Variants in CORIN observed in about 807,000 individuals in gnomAD.
The protein encoded by CORIN is atrial natriuretic peptide-converting enzyme.
CORIN carries 117 observed loss-of-function variants against 125.3 expected under a neutral mutation model. That is an observed-to-expected ratio of 0.93 (90% CI 0.80 to 1.09). The LOEUF (loss-of-function observed/expected upper bound fraction) is 1.09. CORIN is among the 50% of genes least tolerant of loss of function. CORIN has a pLI of 0.00. For synonymous variants in CORIN, 450 were observed against 466.4 expected, an observed-to-expected ratio of 0.96 and a Z score of 0.45; for missense variants, 1,253 against 1,306.7, an observed-to-expected ratio of 0.96 and a Z score of 0.63.
chr4:47,811,967 A>G (rs572704569), intron 1 of CORIN, among the ~76,000 whole-genome samples: 3 of 152,316 alleles, frequency 2.0e-5, no homozygotes, highest in African/African-American at 7.2e-5. Flanking sequence ...GTATCAGTGT[A>G]TATCTGCATA....
chr4:47,645,023 G>T, intron 14 of CORIN, 58 bp downstream of exon 14: 1 of 919,122 alleles, frequency 1.1e-6, no homozygotes, highest in South Asian at 1.5e-5. Flanking sequence ...TTCAAAATGA[G>T]ACTTAACTGG....
chr4:47,779,406 A>G (rs1399000378), intron 3 of CORIN, among the ~76,000 whole-genome samples: 23 of 149,966 alleles, frequency 1.5e-4, no homozygotes, highest in Admixed American at 1.4e-3. Flanking sequence ...GCCTGCTCTG[A>G]TCCTCTTAGC....
rs1402934085 is a variant in CORIN at position 47,819,269 on chromosome 4, TCTA to T, written c.64-12225_64-12223del. On this transcript the variant is annotated intron_variant, in intron 1 of 21. Transcript: ENST00000273857. The stretch of plus-strand genomic sequence containing the variant: ...ATGAAAGCATTCAGCAGACCCAAAA[TCTA>T]CTCATATTTCTCACTATGGGAGACT... 3.3e-5 allele frequency among the ~76,000 whole-genome samples: 5 copies of T among 152,206 alleles called. No individual in the cohort carries two copies. In the East Asian group the frequency reaches 7.7e-4, roughly 24 times the overall value.
chr4:47,790,624 G>C (rs1347247389), intron 2 of CORIN, among the ~76,000 whole-genome samples: 1 of 152,070 alleles, frequency 6.6e-6, no homozygotes, highest in Admixed American at 6.5e-5. Flanking sequence ...TAAACACTTC[G>C]AATGGCTTTT....
At chr4:47,752,913 T>A (rs1195899388) in intron 4 of CORIN, among the ~76,000 whole-genome samples, 1 of 152,206 alleles carries the variant, frequency 6.6e-6, no homozygotes, top group Non-Finnish European at 1.5e-5. Flanking sequence ...TTTTGATTTT[T>A]ACACATTATA....
chr4:47,747,174 C>A (rs1357518735), intron 4 of CORIN, among the ~76,000 whole-genome samples: 3 of 152,066 alleles, frequency 2.0e-5, no homozygotes, highest in Non-Finnish European at 4.4e-5. Flanking sequence ...ATATTATTCC[C>A]TTCCTACAAT....
At chr4:47,700,302 C>G (rs1726227353) in intron 5 of CORIN, among the ~76,000 whole-genome samples, 1 of 152,108 alleles carries the variant, frequency 6.6e-6, no homozygotes, top group South Asian at 2.1e-4. Context: ...AGGTATAGAA[C>G]ATGAAGACTC....
rs537489169 is a variant in CORIN at position 47,777,656 on chromosome 4, G to T, written c.409+9069C>A. Among the ~76,000 whole-genome samples, 3 of 152,214 alleles carry T rather than the reference G, an allele frequency of 2.0e-5. No individual in the cohort carries two copies. The East Asian group carries it at 5.8e-4, about 29-fold the overall frequency. The stretch of plus-strand genomic sequence containing the variant: ...AAAAACAGAAATTCAAACACCACAT[G>T]TGAATATTAGATTAATGATCTGGAG... On this transcript the variant is annotated intron_variant, in intron 3 of 21. Transcript: ENST00000273857.
intron 19 of CORIN, among the ~76,000 whole-genome samples, chr4:47,613,389 G>T (rs1461336557): frequency 6.6e-6 from 1 of 152,138 alleles, no homozygotes; most frequent in African/African-American, 2.4e-5. Flanking sequence ...GGAGGTGGAG[G>T]TTTCAGTGAG....
intron 9 of CORIN, among the ~76,000 whole-genome samples, chr4:47,675,567 T>G (rs1482485574): frequency 6.6e-6 from 1 of 152,130 alleles, no homozygotes; most frequent in Non-Finnish European, 1.5e-5. Flanking sequence ...TGGCAAATAT[T>G]AAGTGCATGC....
chr4:47,784,060 A>G (rs1663884254), intron 3 of CORIN, among the ~76,000 whole-genome samples: 1 of 152,166 alleles, frequency 6.6e-6, no homozygotes, highest in African/African-American at 2.4e-5. Context: ...TACTGGATAC[A>G]TCAACTAATT....
chr4:47,652,065 T>A (rs181311373), intron 13 of CORIN, among the ~76,000 whole-genome samples: 1 of 152,228 alleles, frequency 6.6e-6, no homozygotes, highest in South Asian at 2.1e-4. Context: ...ATCAAAGTCA[T>A]AGTTCAGTGA....
At chr4:47,766,527 T>C (rs1482278789) in intron 3 of CORIN, among the ~76,000 whole-genome samples, 1 of 152,124 alleles carries the variant, frequency 6.6e-6, no homozygotes, top group Admixed American at 6.5e-5. Context: ...TATTCCAGTT[T>C]GACATGTGCC....
intron 2 of CORIN, among the ~76,000 whole-genome samples, chr4:47,795,003 G>T (rs1214245018): frequency 1.3e-5 from 2 of 152,004 alleles, no homozygotes; most frequent in Non-Finnish European, 2.9e-5. Context: ...CATCCTTTTG[G>T]ATGTGGATAT....
intron 5 of CORIN, chr4:47,706,459 T>C: frequency 6.2e-7 from 1 of 1,611,186 alleles, no homozygotes; most frequent in Non-Finnish European, 8.5e-7. Flanking sequence ...CTGCTGGCAG[T>C]ACCGCCAGCT....
intron 5 of CORIN, among the ~76,000 whole-genome samples, chr4:47,741,572 T>C (rs949059215): frequency 1.1e-4 from 17 of 152,178 alleles, no homozygotes; most frequent in African/African-American, 3.6e-4. Flanking sequence ...TAAAACAGTA[T>C]GTCCACACAA....
intron 2 of CORIN, among the ~76,000 whole-genome samples, chr4:47,806,033 C>T (rs1731778028): frequency 1.3e-5 from 2 of 152,118 alleles, no homozygotes; most frequent in South Asian, 4.1e-4. Flanking sequence ...AAAAAGATAG[C>T]AAGATGCAAC....
At chr4:47,757,073 C>A (rs1480666244) in intron 4 of CORIN, among the ~76,000 whole-genome samples, 1 of 152,046 alleles carries the variant, frequency 6.6e-6, no homozygotes, top group African/African-American at 2.4e-5. Flanking sequence ...GGATGAAATA[C>A]AAGCAAATCT....
At chr4:47,701,341 T>C (rs999025721) in intron 5 of CORIN, among the ~76,000 whole-genome samples, 3 of 152,236 alleles carry the variant, frequency 2.0e-5, no homozygotes, top group Admixed American at 2.0e-4. Context: ...AGTCAACTCA[T>C]TGGTTCATTT....
Sources: gnomAD v4.1 joint callset for allele counts (sites outside exome capture counted in the v4.1 genomes callset) on GRCh38, gnomAD v4.1.1 for gene constraint, MANE v1.5 for transcripts, NCBI Gene and HGNC (gene_info 2026-07-23, HGNC 2026-07-21) for gene names.